The following CHADL variants were observed in gnomAD, a reference collection of about 807,000 sequenced individuals.
CHADL encodes the protein chondroadherin-like protein.
A neutral mutation model predicts 52.1 loss-of-function variants in CHADL; 48 were observed. That is an observed-to-expected ratio of 0.92 (90% CI 0.73 to 1.17). The LOEUF is 1.17. CHADL is among the 50% of genes most tolerant of loss of function. CHADL has a pLI of 0.00. For synonymous variants in CHADL, 498 were observed against 511.2 expected (o/e 0.97, Z 0.35); for missense variants, 977 against 1,035.1 (o/e 0.94, Z 0.77).
chr22:41,238,381 CGCGGGCCTGGGA>C lies in CHADL; in HGVS notation c.679_690del (p.Ser227_Arg230del), dbSNP rs1425437793. 6.7e-7 allele frequency: 1 copy of C among 1,496,640 alleles called. No individual in the cohort carries two copies. The highest frequency in any genetic ancestry group is 8.9e-7 in the Non-Finnish European group (1 of 1,128,404). The allele number at this position is 1,496,640 out of a possible 1,614,324, so 92.7% of individuals were successfully genotyped here. ...TGGCCCAGCTCCAGACGGGCCAGGC[CGCGGGCCTGGGA>C]CAAGACAGGCCCGGGCAGAGCCTGG... On this transcript the variant is annotated inframe_deletion, in exon 3 of 6. Coordinates refer to ENST00000216241, the MANE Select transcript of CHADL (RefSeq NM_138481.2). This position sits in a 1 kb window ranked among gnomAD's most constrained non-coding sequence, Gnocchi z 4.9.
Position 41,238,518 on chromosome 22 carries a change from C to A in CHADL, c.554G>T (p.Arg185Leu). Residue 185 changes from arginine (R) to leucine (L), a missense_variant, in exon 3 of 6, where the codon CGC (arginine) becomes CTC (leucine). Transcript: ENST00000216241. The surrounding 1 kb of genome is among the most constrained non-coding windows in gnomAD (Gnocchi z 4.9). ...CGCGTTGTGCGACAGCCGCAGCCAGCGGACGCGCAGTAGCCCCTGGAAGGC... is the reference window on the plus strand; with the variant it reads ...CGCGTTGTGCGACAGCCGCAGCCAGAGGACGCGCAGTAGCCCCTGGAAGGC... ...AMAFQGLLRV[R>L]WLRLSHNALS... 6.5e-7 allele frequency: 1 copy of A among 1,542,564 alleles called. No homozygotes were observed. The highest frequency in any genetic ancestry group is 8.7e-7 in the Non-Finnish European group (1 of 1,145,174).
intron 5 of CHADL, chr22:41,231,216 C>A (rs914084253): frequency 2.0e-5 from 3 of 152,214 alleles, no homozygotes; most frequent in African/African-American, 7.2e-5. Flanking sequence ...GCCATTGCAA[C>A]CTCACTGGGC....
intron 1 of CHADL, among the ~76,000 whole-genome samples, chr22:41,240,384 C>T (rs2145640489): frequency 6.6e-6 from 1 of 152,370 alleles, no homozygotes; most frequent in African/African-American, 2.4e-5. Flanking sequence ...CTCCCCTGCC[C>T]AGCTGGCCCC....
At chr22:41,240,454 C>T (rs1393674939) in intron 1 of CHADL, among the ~76,000 whole-genome samples, 1 of 152,226 alleles carries the variant, frequency 6.6e-6, no homozygotes, top group Non-Finnish European at 1.5e-5. Flanking sequence ...TTCCCCGGCC[C>T]CCAGGAGCCT....
At position 41,240,862 on chromosome 22, in the gene CHADL, C is replaced by G. The variant is rs1283858711; in HGVS notation, c.8+12G>C. On this transcript the variant is annotated intron_variant, in intron 1 of 5. Coordinates refer to ENST00000216241, the MANE Select transcript of CHADL (RefSeq NM_138481.2). ...TGAATCCCCCCTTGCACCATCGGGC[C>G]CAAAGACTCACCCCTCCATGCCGCC... is the stretch of plus-strand genomic sequence containing the variant. 6.4e-7 allele frequency: 1 copy of G among 1,550,922 alleles called. No homozygotes were observed. The highest frequency in any genetic ancestry group is 2.0e-5 in the Admixed American group (1 of 50,958).
chr22:41,229,925 G>T (rs2032467389), intron 5 of CHADL, among the ~76,000 whole-genome samples, 195 bp from the exon 6 acceptor site: 1 of 152,142 alleles, frequency 6.6e-6, no homozygotes, highest in Admixed American at 6.5e-5. Context: ...GGTGGTGACA[G>T]ATTGGCACAT....
chr22:41,231,488 A>C (rs1259301592), intron 5 of CHADL, among the ~76,000 whole-genome samples: 2 of 152,182 alleles, frequency 1.3e-5, no homozygotes, highest in Non-Finnish European at 2.9e-5. Flanking sequence ...TTCCCCAGAG[A>C]TGGAGCCTGT....
chr22:41,239,680 C>T, intron 1 of CHADL, 60 bp from the exon 2 acceptor site: 1 of 1,401,852 alleles, frequency 7.1e-7, no homozygotes, highest in Non-Finnish European at 9.5e-7. Flanking sequence ...CTGTCCCTCA[C>T]TTAGTCCCAG....
chr22:41,236,518 A>G lies in CHADL; in HGVS notation c.2029T>C (p.Phe677Leu), dbSNP rs1013177825. Residue 677 changes from phenylalanine (F) to leucine (L), a missense_variant, in exon 4 of 6, where the codon TTC (phenylalanine) becomes CTC (leucine). Physicochemically the swap from Phe to Leu is conservative, Grantham distance 22. Coordinates refer to ENST00000216241, the MANE Select transcript of CHADL (RefSeq NM_138481.2). ...GGAAGCAGCTGGCAGTCACAGTGGA[A>G]GGGATTGCTGCTGAGGTCGATGAGC... ...LELIDLSSNP[F>L]HCDCQLLPLH... The G allele has an allele frequency of 2.6e-6, 4 of 1,551,306 alleles. No homozygotes were observed. In the African/African-American group the frequency reaches 5.5e-5, roughly 21 times the overall value.
Position 41,238,685 on chromosome 22 carries a change from C to T in CHADL, c.387G>A (p.Ala129=). The T allele has an allele frequency of 6.5e-7, 1 of 1,545,888 alleles. No homozygotes were observed. Among genetic ancestry groups the T allele is most frequent in the Non-Finnish European group, 8.7e-7 (1 of 1,145,738 alleles). Reference sequence around the variant, plus strand: ...GCCGCAACGAGCCCAGCCCGTCCAGCGCCTCCTGGGGCAGCTCACGCAGGT... The same window carrying T: ...GCCGCAACGAGCCCAGCCCGTCCAGTGCCTCCTGGGGCAGCTCACGCAGGT... ...SNHLRELPQE[A]LDGLGSLRRL... The change falls in exon 3 of 6, where the codon GCG becomes GCA. Residue 129 remains alanine, a synonymous_variant. Transcript: ENST00000216241. The surrounding 1 kb of genome is among the most constrained non-coding windows in gnomAD (Gnocchi z 4.9).
At chr22:41,231,783 G>A (rs2032598865) in intron 5 of CHADL, among the ~76,000 whole-genome samples, 1 of 152,122 alleles carries the variant, frequency 6.6e-6, no homozygotes, top group South Asian at 2.1e-4. Flanking sequence ...GGACCCACAG[G>A]GGCTCCTGGT....
rs745504219 is a variant in CHADL at position 41,230,262 on chromosome 22, C to T, written c.2263-532G>A. 6 of 1,603,272 alleles carry T rather than the reference C, an allele frequency of 3.7e-6. No individual in the cohort carries two copies. In the East Asian group the frequency reaches 8.9e-5, roughly 24 times the overall value. ...GAAACAGACGACTGAGCCTTCCTGC[C>T]TCCAGCCTGGCTTCTAGCTGGAAGC... On this transcript the variant is annotated intron_variant, in intron 5 of 5. Transcript: ENST00000216241.
Position 41,235,162 on chromosome 22 carries a change from G to C in CHADL, c.2245C>G (p.Gln749Glu). 6.4e-7 allele frequency: 1 copy of C among 1,551,416 alleles called. No individual in the cohort carries two copies. The highest frequency in any genetic ancestry group is 8.7e-7 in the Non-Finnish European group (1 of 1,147,020). ...SARRTPIKGRQCGADKVGKEK... is the reference protein window; with the variant it reads ...SARRTPIKGRECGADKVGKEK... ...TGGCCAACCTTATCTGCTCCACACT[G>C]TCTTCCTTTGATGGGGGTTCTCCTG... Residue 749 changes from glutamine (Q) to glutamate (E), a missense_variant, in exon 5 of 6, where the codon CAG (glutamine) becomes GAG (glutamate). By Grantham distance (29) the Gln-to-Glu change is conservative. Coordinates refer to ENST00000216241, the MANE Select transcript of CHADL (RefSeq NM_138481.2).
At chr22:41,235,029 C>T in intron 5 of CHADL, 116 bp downstream of exon 5, 1 of 1,102,134 alleles carries the variant, frequency 9.1e-7, no homozygotes, top group Non-Finnish European at 1.3e-6. Context: ...GGGTCATTGC[C>T]CAGCTCTGGA....
In CHADL at chr22:41,235,155, C is replaced by T. The variant is rs756713343; in HGVS notation, c.2252G>A (p.Gly751Glu). 5.2e-6 allele frequency: 8 copies of T among 1,551,378 alleles called. No individual in the cohort carries two copies. In the South Asian group the frequency reaches 9.5e-5, roughly 18 times the overall value. Residue 751 changes from glycine to glutamate, a missense_variant, in exon 5 of 6, where the codon GGA becomes GAA. Coordinates refer to ENST00000216241, the MANE Select transcript of CHADL (RefSeq NM_138481.2). ...RRTPIKGRQC[G>E]ADKVGKEKGR... is the part of the protein sequence containing the mutation. Reference sequence around the variant, plus strand: ...TGCCCCATGGCCAACCTTATCTGCTCCACACTGTCTTCCTTTGATGGGGGT... The same window carrying T: ...TGCCCCATGGCCAACCTTATCTGCTTCACACTGTCTTCCTTTGATGGGGGT...
In CHADL at chr22:41,238,369, G is replaced by A; in HGVS notation, c.703C>T (p.Leu235=). The change falls in exon 3 of 6, where the codon CTG becomes TTG. Residue 235 remains leucine (L), a synonymous_variant. Transcript: ENST00000216241. The surrounding 1 kb of genome is among the most constrained non-coding windows in gnomAD (Gnocchi z 4.9). ...VLSQARGLAR[L]ELGHNPLTYA... is the part of the protein sequence containing the mutation. ...GTGAGCGGGTTGTGGCCCAGCTCCA[G>A]ACGGGCCAGGCCGCGGGCCTGGGAC... 6.7e-7 allele frequency: 1 copy of A among 1,499,650 alleles called. No individual in the cohort carries two copies. The highest frequency in any genetic ancestry group is 8.8e-7 in the Non-Finnish European group (1 of 1,130,350). 92.9% of individuals were successfully genotyped at this position (1,499,650 alleles called of 1,614,324 possible). A position where few individuals can be genotyped will look rare whatever the true frequency, so the allele number is the denominator to read the frequency against.
chr22:41,239,722 C>A, intron 1 of CHADL, 102 bp from the exon 2 acceptor site: 2 of 1,072,724 alleles, frequency 1.9e-6, no homozygotes, highest in Non-Finnish European at 2.6e-6. Context: ...AAAAACCCCT[C>A]AGAGCCTCCT....
intron 5 of CHADL, among the ~76,000 whole-genome samples, chr22:41,234,475 G>A (rs1281703545): frequency 1.3e-5 from 2 of 151,506 alleles, no homozygotes; most frequent in African/African-American, 2.4e-5. Context: ...TCTGCCTCCC[G>A]GGTTCAAGCG....
At chr22:41,236,138 C>G (rs931240949) in intron 4 of CHADL, among the ~76,000 whole-genome samples, 2 of 152,228 alleles carry the variant, frequency 1.3e-5, no homozygotes, top group African/African-American at 4.8e-5. Flanking sequence ...TCCCAAAGTG[C>G]TGGGATTATA....
Sources: allele counts gnomAD v4.1 joint callset (sites outside exome capture counted in the v4.1 genomes callset), GRCh38; gene constraint gnomAD v4.1.1; non-coding constraint Gnocchi (gnomAD v3.1); transcripts MANE v1.5; gene names NCBI Gene and HGNC (gene_info 2026-07-23, HGNC 2026-07-21).